CCT7: variants seen among roughly 807,000 people sequenced by gnomAD.
CCT7 encodes the protein chaperonin containing TCP1 subunit 7, also known as T-complex protein 1 subunit eta.
In CCT7, 16 loss-of-function variants were observed where a neutral mutation model predicts 56.6. The observed-to-expected ratio is 0.28, with a 90% CI of 0.19 to 0.43. CCT7 has a LOEUF of 0.43. CCT7 is among the 20% of genes least tolerant of loss of function. CCT7 has a pLI of 1.00. For missense variants in CCT7, 519 were observed against 685.6 expected (o/e 0.76, Z 2.71); for synonymous variants, 262 against 254.8 (o/e 1.03, Z -0.27).
Position 73,234,388 on chromosome 2 carries a change from A to G in CCT7, c.6+4A>G. On this transcript the variant is annotated splice_donor_region_variant and intron_variant, in intron 1 of 11. Transcript: ENST00000258091. ...TGAATAAGCTTCCAAAATGATGGTG[A>G]GTGGCGTCTCGCGCATCCGTCGCCA... The G allele has an allele frequency of 6.2e-7, 1 of 1,613,392 alleles. No homozygotes were observed. The highest frequency in any genetic ancestry group is 8.5e-7 in the Non-Finnish European group (1 of 1,179,954).
At position 73,252,776 on chromosome 2, in the gene CCT7, T is replaced by C. The variant is rs1687653568; in HGVS notation, c.1547T>C (p.Val516Ala). 4 of 1,614,056 alleles carry C rather than the reference T, an allele frequency of 2.5e-6. No homozygotes were observed. Among genetic ancestry groups the C allele is most frequent in the East Asian group, 2.2e-5 (1 of 44,886 alleles). ...GAGGCTGCGTGCCTGATCGTGTCTG[T>C]AGATGAAACCATCAAGAACCCCCGC... The part of the protein sequence containing the change: ...ASEAACLIVS[V>A]DETIKNPRST... The change falls in exon 12 of 12, where the codon GTA (valine) becomes GCA (alanine). Residue 516 changes from valine (V) to alanine (A), a missense_variant. By Grantham distance (64) the Val-to-Ala change is moderately conservative (BLOSUM62 0). Coordinates refer to ENST00000258091, the MANE Select transcript of CCT7 (RefSeq NM_006429.4).
chr2:73,239,769 A>G lies in CCT7; in HGVS notation c.133A>G (p.Met45Val), dbSNP rs1208048616. 2.5e-6 allele frequency: 4 copies of G among 1,613,886 alleles called. No individual in the cohort carries two copies. The highest frequency in any genetic ancestry group is 3.4e-6 in the Non-Finnish European group (4 of 1,179,880). ...AAGAACTACCCTGGGTCCCCGTGGC[A>G]TGGACAAGCTTATTGTAGATGGCAG... ...AVRTTLGPRG[M>V]DKLIVDGRGK... Residue 45 changes from methionine to valine, a missense_variant, in exon 2 of 12, where the codon ATG becomes GTG. Transcript: ENST00000258091.
chr2:73,251,537 G>T (rs1490948057), intron 11 of CCT7, 105 bp downstream of exon 11: 2 of 966,070 alleles, frequency 2.1e-6, no homozygotes, highest in African/African-American at 1.6e-5. Context: ...CAGGAGATAG[G>T]CTGCAACTCC....
chr2:73,242,012 A>G (rs1687137688), intron 3 of CCT7, among the ~76,000 whole-genome samples: 1 of 151,790 alleles, frequency 6.6e-6, no homozygotes, highest in South Asian at 2.1e-4. Flanking sequence ...AAGTGCTGGG[A>G]TTACAGGCAT....
At chr2:73,240,329 G>C in intron 2 of CCT7, 108 bp from the exon 3 acceptor site, 1 of 639,160 alleles carries the variant, frequency 1.6e-6, no homozygotes, top group East Asian at 2.8e-5. Context: ...CTTCAGCCCT[G>C]CCGTGATCCC....
chr2:73,243,198 T>C, intron 4 of CCT7, 69 bp downstream of exon 4: 2 of 1,570,464 alleles, frequency 1.3e-6, no homozygotes, highest in Non-Finnish European at 1.7e-6. Context: ...AAGGGGAATT[T>C]CTTTTCAGGA....
intron 10 of CCT7, among the ~76,000 whole-genome samples, chr2:73,250,876 G>T (rs1687546504): frequency 6.6e-6 from 1 of 151,750 alleles, no homozygotes; most frequent in Non-Finnish European, 1.5e-5. Flanking sequence ...GGAGTTGGAG[G>T]TTACAGTGAG....
At position 73,243,134 on chromosome 2, in the gene CCT7, G is replaced by A. The variant is rs555577606; in HGVS notation, c.393+5G>A. The stretch of plus-strand genomic sequence containing the variant: ...TTCCGCACAGCCACCCAGCTGGTAT[G>A]GCAGTACTGATTAACCTTCTCTTGG... On this transcript the variant is annotated splice_donor_5th_base_variant and intron_variant, in intron 4 of 11. Transcript: ENST00000258091. The A allele has an allele frequency of 1.6e-4, 255 of 1,613,550 alleles. 2 individuals are homozygous for A. The South Asian group carries it at 2.5e-3, about 16-fold the overall frequency.
chr2:73,244,564 A>C lies in CCT7; in HGVS notation c.467A>C (p.Glu156Ala). 1.2e-6 allele frequency: 2 copies of C among 1,611,410 alleles called. No homozygotes were observed. The highest frequency in any genetic ancestry group is 1.7e-6 in the Non-Finnish European group (2 of 1,178,292). Residue 156 changes from glutamate (E) to alanine (A), a missense_variant, in exon 6 of 12, where the codon GAA becomes GCA. Physicochemically the swap from Glu to Ala is moderately radical, Grantham distance 107. Transcript: ENST00000258091. ...CCCAGGGAGCAGAGGAAGCTGCTGG[A>C]AAAGTGTGCCATGACCGCTCTGAGC... Reference protein sequence around the residue: ...ADKVEQRKLLEKCAMTALSSK... With the variant: ...ADKVEQRKLLAKCAMTALSSK...
Position 73,244,730 on chromosome 2 carries a change from G to A in CCT7, c.618+15G>A. 1 of 1,598,976 alleles carries A rather than the reference G, an allele frequency of 6.3e-7. No homozygotes were observed. Among genetic ancestry groups the A allele is most frequent in the Non-Finnish European group, 8.5e-7 (1 of 1,170,242 alleles). ...GAGCCCTCGAGGTAAGCCTGCTGTG[G>A]CCTTCCTAGACAGCTCTTGCTTTCA... is the stretch of plus-strand genomic sequence containing the variant. On this transcript the variant is annotated intron_variant, in intron 6 of 11. Coordinates refer to ENST00000258091, the MANE Select transcript of CCT7 (RefSeq NM_006429.4).
intron 7 of CCT7, among the ~76,000 whole-genome samples, chr2:73,248,409 G>T (rs1005688606): frequency 6.6e-6 from 1 of 151,814 alleles, no homozygotes; most frequent in African/African-American, 2.4e-5. Context: ...GGAGTGCAGT[G>T]GTGCAATCTC....
chr2:73,250,276 C>G (rs1045859375), intron 9 of CCT7, 30 bp from the exon 10 acceptor site: 1 of 1,613,212 alleles, frequency 6.2e-7, no homozygotes, highest in Non-Finnish European at 8.5e-7. Flanking sequence ...GACAAGAGTT[C>G]ATGTGTGTAC....
intron 7 of CCT7, 103 bp downstream of exon 7, chr2:73,248,029 C>A: frequency 1.0e-6 from 1 of 984,254 alleles, no homozygotes. Context: ...CTTCCTGCCC[C>A]CCTGAATATT....
chr2:73,248,741 C>A (rs775138728), intron 7 of CCT7, among the ~76,000 whole-genome samples: 5 of 152,196 alleles, frequency 3.3e-5, no homozygotes, highest in Non-Finnish European at 5.9e-5. Flanking sequence ...CGCATCTGGA[C>A]AGCACCAGCT....
At chr2:73,238,418 TTAA>T (rs1285606949) in intron 1 of CCT7, among the ~76,000 whole-genome samples, 2 of 152,122 alleles carry the variant, frequency 1.3e-5, no homozygotes, top group African/African-American at 2.4e-5. Context: ...AATTGACCAG[TTAA>T]TAAGGAATCA....
chr2:73,238,531 C>T (rs1475595828), intron 1 of CCT7, among the ~76,000 whole-genome samples: 2 of 152,268 alleles, frequency 1.3e-5, no homozygotes, highest in Non-Finnish European at 1.5e-5. Context: ...CTTGCTCAGA[C>T]ATCCACGTAC....
intron 11 of CCT7, among the ~76,000 whole-genome samples, chr2:73,252,328 T>C (rs989582322): frequency 7.0e-6 from 1 of 142,714 alleles, no homozygotes; most frequent in Non-Finnish European, 1.5e-5. Context: ...TTGTTTGATA[T>C]ATATATATAT....
chr2:73,234,695 G>T (rs1686787142), intron 1 of CCT7, among the ~76,000 whole-genome samples: 1 of 152,232 alleles, frequency 6.6e-6, no homozygotes, highest in Admixed American at 6.5e-5. Context: ...CGCATGATCG[G>T]GACTTGCGTG....
intron 4 of CCT7, 175 bp from the exon 5 acceptor site, chr2:73,243,822 T>A (rs1224819291): frequency 3.2e-6 from 2 of 623,840 alleles, no homozygotes; most frequent in Non-Finnish European, 5.7e-6. Flanking sequence ...TTTTCTGAAC[T>A]ATAGAGTTTT....
Sources: allele counts gnomAD v4.1 joint callset (sites outside exome capture counted in the v4.1 genomes callset), GRCh38; gene constraint gnomAD v4.1.1; transcripts MANE v1.5; gene names NCBI Gene and HGNC (gene_info 2026-07-23, HGNC 2026-07-21).